The following CHRM3 variants were observed in gnomAD, a reference collection of about 807,000 sequenced individuals.
CHRM3 encodes the protein muscarinic acetylcholine receptor M3.
In CHRM3, 11 loss-of-function variants were observed where a neutral mutation model predicts 41.8. That is an observed-to-expected ratio of 0.26 (90% CI 0.17 to 0.44). The LOEUF (loss-of-function observed/expected upper bound fraction) is 0.44, where lower values mean the gene tolerates loss of function less well. Among genes scored for constraint, CHRM3 ranks in the 20% least tolerant of loss-of-function variants. The pLI is 1.00. For missense variants in CHRM3, 571 were observed against 745.4 expected (o/e 0.77, Z 2.72); for synonymous variants, 297 against 301.4 (o/e 0.99, Z 0.15).
Position 239,688,021 on chromosome 1 carries a change from T to C in CHRM3, c.-147+9733T>C, listed in dbSNP as rs1475349171. ...AATACGACTGCTCTTAAATGTGTCATGAATACTGATGCTTCACATTAATAC... is the reference window on the plus strand; with the variant it reads ...AATACGACTGCTCTTAAATGTGTCACGAATACTGATGCTTCACATTAATAC... On this transcript the variant is annotated intron_variant, in intron 5 of 6. Transcript: ENST00000676153. 2.0e-5 allele frequency among the ~76,000 whole-genome samples: 3 copies of C among 152,146 alleles called. No homozygotes were observed. In the East Asian group the frequency reaches 5.8e-4, roughly 29 times the overall value.
intron 5 of CHRM3, among the ~76,000 whole-genome samples, chr1:239,767,978 C>T (rs1667357188): frequency 6.6e-6 from 1 of 151,996 alleles, no homozygotes; most frequent in African/African-American, 2.4e-5. Flanking sequence ...TGCTACTGGT[C>T]CATAGGTCAC....
At chr1:239,629,671 A>T (rs999088247) in intron 3 of CHRM3, 1 of 152,184 alleles carries the variant, frequency 6.6e-6, no homozygotes, top group African/African-American at 2.4e-5. Context: ...GTGGTATGAA[A>T]CCAAAACCAC....
At chr1:239,448,375 A>G (rs2103302548) in intron 1 of CHRM3, among the ~76,000 whole-genome samples, 1 of 152,312 alleles carries the variant, frequency 6.6e-6, no homozygotes, top group East Asian at 1.9e-4. Flanking sequence ...CTTTAAAATG[A>G]TTATATATAA....
At chr1:239,483,661 A>G (rs1667007354) in intron 1 of CHRM3, among the ~76,000 whole-genome samples, 1 of 152,186 alleles carries the variant, frequency 6.6e-6, no homozygotes, top group Admixed American at 6.5e-5. Flanking sequence ...CTACGTAGCT[A>G]GAGATTAATT....
chr1:239,688,226 T>C (rs1659337633), intron 5 of CHRM3, among the ~76,000 whole-genome samples: 1 of 148,386 alleles, frequency 6.7e-6, no homozygotes, highest in Admixed American at 6.8e-5. Context: ...CACATGCACA[T>C]ATATGTATTA....
chr1:239,830,716 C>T (rs1382044114), intron 6 of CHRM3, among the ~76,000 whole-genome samples: 1 of 152,050 alleles, frequency 6.6e-6, no homozygotes, highest in Non-Finnish European at 1.5e-5. Context: ...AAAATAAAAC[C>T]AAAGTTGCTT....
At chr1:239,878,461 T>C (rs1677305324) in intron 6 of CHRM3, among the ~76,000 whole-genome samples, 1 of 152,042 alleles carries the variant, frequency 6.6e-6, no homozygotes, top group Admixed American at 6.6e-5. Flanking sequence ...TAAATACCGA[T>C]GAGGCTTCGC....
rs544898295 is a variant in CHRM3, at chr1:239,829,403, GA to G, written c.-20+2026del. 2.1e-3 allele frequency among the ~76,000 whole-genome samples: 147 copies of G among 69,972 alleles called. 2 individuals carry two copies. Among genetic ancestry groups the G allele is most frequent in the African/African-American group, 3.7e-3 (134 of 36,234 alleles). 45.9% of individuals were successfully genotyped at this position (69,972 alleles called of 152,430 possible). ...GTTCAATTGACTGCAAGGACTGAAT[GA>G]TTTTTTTTTTTGAAAAAGAAAAGAA... On this transcript the variant is annotated intron_variant, in intron 6 of 6. Transcript: ENST00000676153.
chr1:239,863,134 C>T (rs1572521264), intron 6 of CHRM3, among the ~76,000 whole-genome samples: 1 of 152,186 alleles, frequency 6.6e-6, no homozygotes. Context: ...GCCTGTTTAG[C>T]TCCAAGCTCT....
chr1:239,667,385 T>C (rs1258355950), intron 4 of CHRM3, among the ~76,000 whole-genome samples: 1 of 152,186 alleles, frequency 6.6e-6, no homozygotes, highest in Non-Finnish European at 1.5e-5. Flanking sequence ...CATGCAGACC[T>C]CAGCATCCAA....
intron 5 of CHRM3, among the ~76,000 whole-genome samples, chr1:239,682,370 A>G (rs1186857346): frequency 5.9e-5 from 9 of 152,216 alleles, no homozygotes; most frequent in Admixed American, 5.9e-4. Flanking sequence ...GAGCTTTTCA[A>G]CTAATGTAAA....
chr1:239,902,728 A>G (rs1001071705), intron 6 of CHRM3, among the ~76,000 whole-genome samples: 1 of 152,182 alleles, frequency 6.6e-6, no homozygotes, highest in Admixed American at 6.5e-5. Flanking sequence ...TTAGAAGGAA[A>G]CCCAAGGGTA....
chr1:239,756,031 C>A (rs1666215816), intron 5 of CHRM3, among the ~76,000 whole-genome samples: 1 of 152,124 alleles, frequency 6.6e-6, no homozygotes, highest in Non-Finnish European at 1.5e-5. Context: ...AAAGTGAGAA[C>A]TTTTCAAAGC....
chr1:239,557,891 G>A lies in CHRM3; in HGVS notation c.-313+12142G>A, dbSNP rs1660515769. Among the ~76,000 whole-genome samples, 2 of 152,228 alleles carry A rather than the reference G, an allele frequency of 1.3e-5. 1 individual carries two copies. The highest frequency in any genetic ancestry group is 3.9e-4 in the East Asian group (2 of 5,168). ...TCTTTATCCAGTCTATCATTGATGAGTACTTGGGTTGATTCCATGTCTTTG... is the reference window on the plus strand; with the variant it reads ...TCTTTATCCAGTCTATCATTGATGAATACTTGGGTTGATTCCATGTCTTTG... On this transcript the variant is annotated intron_variant, in intron 3 of 6. Transcript: ENST00000676153.
chr1:239,433,761 C>T (rs1022894971), intron 1 of CHRM3, among the ~76,000 whole-genome samples: 35 of 152,136 alleles, frequency 2.3e-4, no homozygotes, highest in Non-Finnish European at 3.1e-4. Context: ...TCTCCAGTTC[C>T]GTTCAGGTTG....
At chr1:239,543,076 C>T (rs1658935316) in intron 2 of CHRM3, among the ~76,000 whole-genome samples, 1 of 152,158 alleles carries the variant, frequency 6.6e-6, no homozygotes, top group Admixed American at 6.5e-5. Context: ...CTTTCTTAGG[C>T]CTTCAGCAGG....
chr1:239,889,759 C>G (rs115979938), intron 6 of CHRM3, among the ~76,000 whole-genome samples: 20 of 152,210 alleles, frequency 1.3e-4, no homozygotes, highest in Non-Finnish European at 2.1e-4. Flanking sequence ...TGAGCTCAAT[C>G]AGAAATTTAA....
intron 3 of CHRM3, among the ~76,000 whole-genome samples, chr1:239,584,262 C>T (rs1381156924): frequency 6.6e-6 from 1 of 151,884 alleles, no homozygotes; most frequent in Non-Finnish European, 1.5e-5. Context: ...TGCCACCATG[C>T]CTGGCTAATT....
chr1:239,763,805 T>C (rs2148671717), intron 5 of CHRM3, among the ~76,000 whole-genome samples: 1 of 152,024 alleles, frequency 6.6e-6, no homozygotes, highest in South Asian at 2.1e-4. Flanking sequence ...CATTAAGTCC[T>C]TGGGGGCTGG....
Sources: gnomAD v4.1 joint callset for allele counts (sites outside exome capture counted in the v4.1 genomes callset) on GRCh38, gnomAD v4.1.1 for gene constraint, MANE v1.5 for transcripts, NCBI Gene and HGNC (gene_info 2026-07-23, HGNC 2026-07-21) for gene names.